The following CCDC66 variants were observed in gnomAD, a reference collection of about 807,000 sequenced individuals.
The protein encoded by CCDC66 is coiled-coil domain-containing protein 66.
In CCDC66, 133 loss-of-function variants were observed where a neutral mutation model predicts 128.3. That is an observed-to-expected ratio of 1.04 (90% CI 0.90 to 1.20). CCDC66 has a LOEUF of 1.20. Among genes scored for constraint, CCDC66 ranks in the 50% most tolerant of loss-of-function variants. CCDC66 has a pLI of 0.00. For missense variants in CCDC66, 1,126 were observed against 1,075.5 expected, an observed-to-expected ratio of 1.05 and a Z score of -0.66; for synonymous variants, 387 against 357.0, an observed-to-expected ratio of 1.08 and a Z score of -0.95.
chr3:56,597,777 G>GTTTTTTTTTTTTTTTTTTTTTTTTT lies in CCDC66; in HGVS notation c.1404+3764_1404+3765insTTTTTTTTTTTTTTTTTTTTTTTTT, dbSNP rs3064563. ...TGTGGAGTCTAGGTTTTGTTTTGGG[G>GTTTTTTTTTTTTTTTTTTTTTTTTT]TTTTTTTTTTTTTTTGAGACAGAGC... On this transcript the variant is annotated intron_variant, in intron 10 of 17. Coordinates refer to ENST00000394672, the MANE Select transcript of CCDC66 (RefSeq NM_001141947.3). Among the ~76,000 whole-genome samples the GTTTTTTTTTTTTTTTTTTTTTTTTT allele has an allele frequency of 1.7e-3, 148 of 87,942 alleles. 24 individuals are homozygous for GTTTTTTTTTTTTTTTTTTTTTTTTT. The highest frequency in any genetic ancestry group is 4.3e-3 in the African/African-American group (103 of 23,808). The allele number at this position is 87,942 out of a possible 152,430, so 57.7% of individuals were successfully genotyped here. A position where few individuals can be genotyped will look rare whatever the true frequency, so the allele number is the denominator to read the frequency against.
At chr3:56,591,738 A>G (rs1408585801) in intron 7 of CCDC66, among the ~76,000 whole-genome samples, 1 of 152,262 alleles carries the variant, frequency 6.6e-6, no homozygotes, top group African/African-American at 2.4e-5. Context: ...GTTAGAATGT[A>G]GGAGGACCTG....
intron 7 of CCDC66, among the ~76,000 whole-genome samples, chr3:56,573,528 C>T (rs997284772): frequency 2.6e-5 from 4 of 152,164 alleles, no homozygotes; most frequent in Non-Finnish European, 5.9e-5. Context: ...CATCCATGCA[C>T]AATTGAGTTT....
At chr3:56,572,458 T>C in intron 7 of CCDC66, 2 of 1,093,584 alleles carry the variant, frequency 1.8e-6, no homozygotes, top group Non-Finnish European at 2.4e-6. Context: ...ACTTTGGATA[T>C]TTAAACCTTT....
chr3:56,562,732 G>A (rs2065256547), intron 3 of CCDC66, among the ~76,000 whole-genome samples: 2 of 151,926 alleles, frequency 1.3e-5, no homozygotes. Context: ...TCTGCCTTCT[G>A]GGTTCAAGCG....
chr3:56,616,114 T>C (rs1463979633), intron 13 of CCDC66, 61 bp downstream of exon 13: 8 of 1,431,760 alleles, frequency 5.6e-6, no homozygotes, highest in Non-Finnish European at 7.6e-6. Context: ...TTAAAGCAGT[T>C]AGAATTAAGT....
intron 6 of CCDC66, 107 bp from the exon 7 acceptor site, chr3:56,571,073 GT>G: frequency 1.4e-6 from 1 of 732,672 alleles, no homozygotes; most frequent in Middle Eastern, 2.5e-4. Flanking sequence ...CTAAAAAAGA[GT>G]TTTGATTAGA....
Position 56,568,142 on chromosome 3 carries a change from G to A in CCDC66, c.814+1089G>A, listed in dbSNP as rs147890480. Reference sequence around the variant, plus strand: ...GAATCCTCAGAGAAAGCCTGGCTGCGTCATTGCAGATTTTCTCTACAGATG... The same window carrying A: ...GAATCCTCAGAGAAAGCCTGGCTGCATCATTGCAGATTTTCTCTACAGATG... On this transcript the variant is annotated intron_variant, in intron 6 of 17. Transcript: ENST00000394672. Among the ~76,000 whole-genome samples, 158 of 152,272 alleles carry A rather than the reference G, an allele frequency of 1.0e-3. 1 individual carries two copies. The highest frequency in any genetic ancestry group is 3.5e-3 in the African/African-American group (145 of 41,566).
chr3:56,603,669 T>G (rs546105029), intron 10 of CCDC66, among the ~76,000 whole-genome samples: 1 of 151,736 alleles, frequency 6.6e-6, no homozygotes, highest in Non-Finnish European at 1.5e-5. Flanking sequence ...TTATATCTAG[T>G]TTTTTTTGCA....
intron 16 of CCDC66, 80 bp downstream of exon 16, chr3:56,619,607 G>GTAA: frequency 6.6e-7 from 1 of 1,506,908 alleles, no homozygotes; most frequent in South Asian, 1.3e-5. Context: ...TTCCAAATTA[G>GTAA]TAATTCCTGC....
chr3:56,566,971 T>G lies in CCDC66; in HGVS notation c.732T>G (p.Ala244=). The G allele has an allele frequency of 6.2e-7, 1 of 1,613,866 alleles. No individual in the cohort carries two copies. Among genetic ancestry groups the G allele is most frequent in the South Asian group, 1.1e-5 (1 of 91,048 alleles). ...TTAGAGAGAATGAATGGAAACCAGCTGATATATTCAGTACTCTGGGGGAAA... is the reference window on the plus strand; with the variant it reads ...TTAGAGAGAATGAATGGAAACCAGCGGATATATTCAGTACTCTGGGGGAAA... The part of the protein sequence containing the change: ...KIAIENEWKP[A]DIFSTLGERE... The change falls in exon 6 of 18, where the codon GCT becomes GCG. Residue 244 remains alanine (A), a synonymous_variant. Coordinates refer to ENST00000394672, the MANE Select transcript of CCDC66 (RefSeq NM_001141947.3).
At position 56,619,399 on chromosome 3, in the gene CCDC66, T is replaced by G; in HGVS notation, c.2507T>G (p.Leu836Ter). ...ATCTCAGGAAGTAATCAAACAGAAT[T>G]ATCATCTGGGATTTCTGAATCATCC... ...NLISGSNQTE[L>*]SSGISESSHF... The change falls in exon 16 of 18, where the codon TTA (leucine) becomes TGA (stop). Residue 836 changes from leucine (L) to a stop codon, truncating the protein, a stop_gained. Coordinates refer to ENST00000394672, the MANE Select transcript of CCDC66 (RefSeq NM_001141947.3). LOFTEE classifies it high-confidence loss of function. 6.2e-7 allele frequency: 1 copy of G among 1,613,966 alleles called. No homozygotes were observed. The highest frequency in any genetic ancestry group is 8.5e-7 in the Non-Finnish European group (1 of 1,179,930).
At position 56,566,469 on chromosome 3, in the gene CCDC66, C is replaced by G. The variant is rs80141151; in HGVS notation, c.545-125C>G. 1,171 of 604,078 alleles carry G rather than the reference C, an allele frequency of 1.9e-3. 15 individuals are homozygous for G. The African/African-American group carries it at 0.02, about 11-fold the overall frequency. The allele number at this position is 604,078 out of a possible 1,614,324, so 37.4% of individuals were successfully genotyped here. A position where few individuals can be genotyped will look rare whatever the true frequency, so the allele number is the denominator to read the frequency against. On this transcript the variant is annotated intron_variant, in intron 4 of 17. Coordinates refer to ENST00000394672, the MANE Select transcript of CCDC66 (RefSeq NM_001141947.3). The stretch of plus-strand genomic sequence containing the variant: ...AGGAAGGGAAACTTAATGGCTACCT[C>G]AAGGATTGTTTTGAGAGTTAATTTA...
chr3:56,584,042 G>A (rs1381493938), intron 7 of CCDC66, among the ~76,000 whole-genome samples: 3 of 136,378 alleles, frequency 2.2e-5, no homozygotes, highest in East Asian at 2.4e-4. Context: ...CCTCCCGGAC[G>A]GGGCGGCTGG....
At chr3:56,557,346 T>G in intron 1 of CCDC66, 93 bp downstream of exon 1, 14 of 1,486,410 alleles carry the variant, frequency 9.4e-6, no homozygotes, top group Non-Finnish European at 1.2e-5. Flanking sequence ...CTTGGAGTCT[T>G]TACTGGAGAA....
In CCDC66 at chr3:56,566,621, T is replaced by C. The variant is rs777975294; in HGVS notation, c.572T>C (p.Ile191Thr). 1 of 1,588,556 alleles carries C rather than the reference T, an allele frequency of 6.3e-7. No homozygotes were observed. Among genetic ancestry groups the C allele is most frequent in the Non-Finnish European group, 8.6e-7 (1 of 1,157,368 alleles). Reference sequence around the variant, plus strand: ...CAATATAGTCTATATTTAAACAGTATTTCTAATCAGCCAAAGGATGAGAAC... The same window carrying C: ...CAATATAGTCTATATTTAAACAGTACTTCTAATCAGCCAAAGGATGAGAAC... ...KSQYSLYLNS[I>T]SNQPKDENIM... The change falls in exon 5 of 18, where the codon ATT becomes ACT. Residue 191 changes from isoleucine to threonine, a missense_variant. Coordinates refer to ENST00000394672, the MANE Select transcript of CCDC66 (RefSeq NM_001141947.3).
chr3:56,575,441 G>T (rs9842283), intron 7 of CCDC66, among the ~76,000 whole-genome samples: 48,569 of 151,278 alleles, frequency 0.32, 8,589 homozygotes, highest in East Asian at 0.53. Flanking sequence ...TTTTTTGGGG[G>T]TTTTTTTGTT....
chr3:56,562,545 A>C (rs1165428914), intron 3 of CCDC66, among the ~76,000 whole-genome samples: 1 of 152,202 alleles, frequency 6.6e-6, no homozygotes, highest in East Asian at 1.9e-4. Context: ...TAAAACAATA[A>C]AAAAATTTTT....
At chr3:56,619,644 A>ATGTC (rs2076082883) in intron 16 of CCDC66, 117 bp downstream of exon 16, 6 of 1,482,458 alleles carry the variant, frequency 4.0e-6, no homozygotes, top group Non-Finnish European at 5.4e-6. Flanking sequence ...TTTCTTGAAT[A>ATGTC]TGTCTTAAAT....
At chr3:56,619,630 A>G (rs2076078157) in intron 16 of CCDC66, 103 bp downstream of exon 16, 5 of 1,492,078 alleles carry the variant, frequency 3.4e-6, no homozygotes, top group Non-Finnish European at 4.5e-6. Flanking sequence ...TTAGTTCTAT[A>G]AAGTTTCTTG....
Sources: allele counts gnomAD v4.1 joint callset (sites outside exome capture counted in the v4.1 genomes callset), GRCh38; gene constraint gnomAD v4.1.1; transcripts MANE v1.5; gene names NCBI Gene and HGNC (gene_info 2026-07-23, HGNC 2026-07-21).